The following SLC14A2 variants were observed in gnomAD, a reference collection of about 807,000 sequenced individuals.
SLC14A2 encodes urea transporter 2.
Under a neutral mutation model 104.6 loss-of-function variants are expected in SLC14A2, and 91 were observed. The ratio of observed to expected loss-of-function variants is 0.87; its 90% CI spans 0.73 to 1.04. The LOEUF is 1.04. Ranked by LOEUF, SLC14A2 falls within the 50% of genes least tolerant of loss-of-function variation. The probability of loss-of-function intolerance (pLI) is 0.00; values close to 1 mark genes in which losing one functional copy is unlikely to be tolerated. For synonymous variants in SLC14A2, 476 were observed against 466.4 expected (o/e 1.02, Z -0.27); for missense variants, 1,189 against 1,156.0 (o/e 1.03, Z -0.41).
At chr18:45,344,053 T>C (rs1200953673) in intron 1 of SLC14A2, among the ~76,000 whole-genome samples, 2 of 152,230 alleles carry the variant, frequency 1.3e-5, no homozygotes, top group East Asian at 3.8e-4. Flanking sequence ...CCAATAACTT[T>C]CATCAAAGTA....
intron 5 of SLC14A2, among the ~76,000 whole-genome samples, chr18:45,632,735 T>G (rs2045365478): frequency 1.3e-5 from 2 of 152,300 alleles, no homozygotes; most frequent in South Asian, 4.1e-4. Context: ...TGGAGTGCAG[T>G]GGCGCAATCT....
chr18:45,566,426 G>A (rs1343318867), intron 2 of SLC14A2, among the ~76,000 whole-genome samples: 3 of 152,076 alleles, frequency 2.0e-5, no homozygotes, highest in African/African-American at 7.3e-5. Context: ...CTAAAACACA[G>A]GACCATTTAA....
intron 2 of SLC14A2, among the ~76,000 whole-genome samples, chr18:45,538,386 G>A (rs2043829140): frequency 6.6e-6 from 1 of 152,192 alleles, no homozygotes; most frequent in Non-Finnish European, 1.5e-5. Flanking sequence ...GCTGGCTCTG[G>A]CTTAGAGTCT....
At chr18:45,528,040 A>G (rs2043621993) in intron 2 of SLC14A2, 1 of 152,176 alleles carries the variant, frequency 6.6e-6, no homozygotes, top group Non-Finnish European at 1.5e-5. Context: ...AAAGGCCCTT[A>G]TGACATCCAT....
chr18:45,171,669 G>GA, the SLC14A2 span, among the ~76,000 whole-genome samples: 1 of 152,136 alleles, frequency 6.6e-6, no homozygotes, highest in African/African-American at 2.4e-5. Context: ...ACTGGAACCA[G>GA]AACTCTGATC....
chr18:45,228,847 A>G (rs77720413), intron 1 of SLC14A2, among the ~76,000 whole-genome samples: 1 of 152,150 alleles, frequency 6.6e-6, no homozygotes, highest in African/African-American at 2.4e-5. Flanking sequence ...TCCAGTGCAT[A>G]TGGCGAAGGC....
At chr18:45,469,786 A>C (rs1352660114) in intron 1 of SLC14A2, among the ~76,000 whole-genome samples, 2 of 152,196 alleles carry the variant, frequency 1.3e-5, no homozygotes, top group East Asian at 3.9e-4. Flanking sequence ...GGAGGTGTGA[A>C]AAGGAAAGCT....
intron 1 of SLC14A2, among the ~76,000 whole-genome samples, chr18:45,445,896 G>C (rs927894035): frequency 6.6e-6 from 1 of 152,164 alleles, no homozygotes; most frequent in African/African-American, 2.4e-5. Flanking sequence ...AGTAACACGT[G>C]GAAAGGAACA....
chr18:45,296,830 T>A (rs1375555973), intron 1 of SLC14A2, among the ~76,000 whole-genome samples: 6 of 123,042 alleles, frequency 4.9e-5, no homozygotes, highest in African/African-American at 7.0e-5. Flanking sequence ...GTAGCCGTCA[T>A]AAAAATGTCA....
At chr18:45,419,773 CAAA>C (rs56030142) in intron 1 of SLC14A2, among the ~76,000 whole-genome samples, 26 of 138,708 alleles carry the variant, frequency 1.9e-4, no homozygotes, top group Admixed American at 1.4e-4. Context: ...GACTCCAACT[CAAA>C]AAAAAAAAAA....
intron 1 of SLC14A2, among the ~76,000 whole-genome samples, chr18:45,366,535 T>C (rs547502299): frequency 1.3e-5 from 2 of 152,140 alleles, no homozygotes; most frequent in Non-Finnish European, 2.9e-5. Context: ...TGTTTATCAC[T>C]TCTACCTCCC....
chr18:45,249,483 A>G (rs2084400732), intron 1 of SLC14A2, among the ~76,000 whole-genome samples: 1 of 152,128 alleles, frequency 6.6e-6, no homozygotes, highest in African/African-American at 2.4e-5. Flanking sequence ...TTGAGAAAAG[A>G]CATAACTGAT....
At chr18:45,603,712 G>A (rs1179957395) in intron 2 of SLC14A2, among the ~76,000 whole-genome samples, 1 of 152,106 alleles carries the variant, frequency 6.6e-6, no homozygotes, top group East Asian at 1.9e-4. Context: ...CTCTCCCAGT[G>A]GAGGAATCAT....
intron 1 of SLC14A2, among the ~76,000 whole-genome samples, chr18:45,228,863 C>T (rs2084146315): frequency 6.6e-6 from 1 of 152,178 alleles, no homozygotes; most frequent in South Asian, 2.1e-4. Context: ...AAGGCTCTGG[C>T]TGTCTCACCT....
chr18:45,575,789 CT>C (rs201958253), intron 2 of SLC14A2, among the ~76,000 whole-genome samples: 33,617 of 143,436 alleles, frequency 0.23, 4,314 homozygotes, highest in Middle Eastern at 0.35. Flanking sequence ...TTGTCTTGTT[CT>C]TTTTTTTTTT....
intron 19 of SLC14A2, among the ~76,000 whole-genome samples, chr18:45,680,285 G>T (rs1455075660): frequency 1.3e-5 from 2 of 152,204 alleles, no homozygotes; most frequent in African/African-American, 4.8e-5. Context: ...TGCGATTCCT[G>T]ATCATGGATG....
At chr18:45,362,180 C>T (rs1270589938) in intron 1 of SLC14A2, among the ~76,000 whole-genome samples, 1 of 152,254 alleles carries the variant, frequency 6.6e-6, no homozygotes, top group Non-Finnish European at 1.5e-5. Flanking sequence ...CTTGTTTCTC[C>T]TTCCCCTTCC....
chr18:45,643,274 G>A lies in SLC14A2; in HGVS notation c.1176+93G>A, dbSNP rs979618190. 5.4e-6 allele frequency: 6 copies of A among 1,108,712 alleles called. No individual in the cohort carries two copies. The African/African-American group carries it at 7.7e-5, about 14-fold the overall frequency. 68.7% of individuals were successfully genotyped at this position (1,108,712 alleles called of 1,614,324 possible). A position where few individuals can be genotyped will look rare whatever the true frequency, so the allele number is the denominator to read the frequency against. ...GTGGGGTCTGGGAAAGGAACATTGA[G>A]CGGGTAATGGTAGCTGGTGCTCACA... On this transcript the variant is annotated intron_variant, in intron 9 of 19. Coordinates refer to ENST00000255226, the MANE Select transcript of SLC14A2 (RefSeq NM_007163.4).
At chr18:45,205,278 G>T in the SLC14A2 span, among the ~76,000 whole-genome samples, 132 of 152,318 alleles carry the variant, frequency 8.7e-4, no homozygotes, top group African/African-American at 3.1e-3. Context: ...GCAGGCCAAA[G>T]GTGGTTTAGG....
Sources: allele counts gnomAD v4.1 joint callset (sites outside exome capture counted in the v4.1 genomes callset), GRCh38; gene constraint gnomAD v4.1.1; transcripts MANE v1.5; gene names NCBI Gene and HGNC (gene_info 2026-07-23, HGNC 2026-07-21).